The following ADGRF5 variants were observed in gnomAD, a reference collection of about 807,000 sequenced individuals.
The protein encoded by ADGRF5 is adhesion G protein-coupled receptor F5.
A neutral mutation model predicts 132.3 loss-of-function variants in ADGRF5; 75 were observed. The observed-to-expected ratio is 0.57, with a 90% CI of 0.47 to 0.69. The LOEUF is 0.69. Ranked by LOEUF, ADGRF5 falls within the 30% of genes least tolerant of loss-of-function variation. ADGRF5 has a pLI of 0.00. For missense variants in ADGRF5, 1,516 were observed against 1,630.6 expected (o/e 0.93, Z 1.21); for synonymous variants, 629 against 597.6 (o/e 1.05, Z -0.77).
chr6:46,931,000 GC>G (rs1777531721), intron 1 of ADGRF5, among the ~76,000 whole-genome samples: 1 of 152,176 alleles, frequency 6.6e-6, no homozygotes, highest in Non-Finnish European at 1.5e-5. Flanking sequence ...GCTGCAGTGA[GC>G]TGTGATCACA....
At chr6:46,903,755 T>C (rs1371009203) in intron 2 of ADGRF5, among the ~76,000 whole-genome samples, 1 of 152,180 alleles carries the variant, frequency 6.6e-6, no homozygotes, top group East Asian at 1.9e-4. Flanking sequence ...TCAGAGGGGT[T>C]TATTTGTATC....
At chr6:46,856,180 C>T in intron 19 of ADGRF5, 122 bp from the exon 20 acceptor site, 1 of 627,808 alleles carries the variant, frequency 1.6e-6, no homozygotes, top group Non-Finnish European at 2.9e-6. Context: ...TAGTCCCACT[C>T]CCAGAGGTCA....
chr6:46,862,364 T>C (rs1286277811), intron 15 of ADGRF5, among the ~76,000 whole-genome samples: 1 of 152,190 alleles, frequency 6.6e-6, no homozygotes, highest in Admixed American at 6.5e-5. Context: ...TACATAGCGG[T>C]AACCTCTATT....
chr6:46,888,493 CT>C lies in ADGRF5; in HGVS notation c.169del (p.Ser57ValfsTer28). On this transcript the variant is annotated frameshift_variant, in exon 4 of 21. Transcript: ENST00000283296. LOFTEE classifies it high-confidence loss of function. ...AACAGTGTATTCTTCAGCCGTAGGA[CT>C]TTTTGTGGCAACTGCAATGAAAGCA... Reference protein sequence around the residue: ...LRQKRAVATKSPTAEEYTVNI... With the variant: ...LRQKRAVATKXPTAEEYTVNI... 1 of 1,612,314 alleles carries C rather than the reference CT, an allele frequency of 6.2e-7. No individual in the cohort carries two copies. Among genetic ancestry groups the C allele is most frequent in the Admixed American group, 1.7e-5 (1 of 59,996 alleles).
At chr6:46,904,209 T>A (rs1775070868) in intron 2 of ADGRF5, among the ~76,000 whole-genome samples, 1 of 152,190 alleles carries the variant, frequency 6.6e-6, no homozygotes, top group African/African-American at 2.4e-5. Flanking sequence ...CTGAGCTACA[T>A]CATCACCCTT....
intron 1 of ADGRF5, among the ~76,000 whole-genome samples, chr6:46,911,616 T>C (rs1454736921): frequency 6.6e-6 from 1 of 152,198 alleles, no homozygotes; most frequent in Non-Finnish European, 1.5e-5. Context: ...AAATAGTCTC[T>C]ACTTCCCCTG....
chr6:46,907,280 C>T (rs1228762502), intron 1 of ADGRF5, among the ~76,000 whole-genome samples: 1 of 152,104 alleles, frequency 6.6e-6, no homozygotes, highest in African/African-American at 2.4e-5. Context: ...TTGTATCTTA[C>T]AGTATTATTT....
intron 6 of ADGRF5, 111 bp from the exon 7 acceptor site, chr6:46,882,218 A>T: frequency 1.3e-6 from 1 of 788,874 alleles, no homozygotes; most frequent in Non-Finnish European, 2.3e-6. Flanking sequence ...AGGTAAAATT[A>T]TCTTCTGTCT....
intron 8 of ADGRF5, 69 bp from the exon 9 acceptor site, chr6:46,880,108 A>G: frequency 9.7e-7 from 1 of 1,027,220 alleles, no homozygotes; most frequent in Non-Finnish European, 1.5e-6. Context: ...CTCACCACAC[A>G]CAACCACCAC....
chr6:46,924,777 T>A (rs1431394732), upstream of ADGRF5, among the ~76,000 whole-genome samples: 3 of 152,254 alleles, frequency 2.0e-5, no homozygotes, highest in African/African-American at 7.2e-5. Context: ...ATCCTTCCAG[T>A]TACCCAGATC....
chr6:46,883,866 C>A (rs546935816), intron 5 of ADGRF5, among the ~76,000 whole-genome samples: 2 of 152,276 alleles, frequency 1.3e-5, no homozygotes, highest in South Asian at 4.2e-4. Context: ...CTCACCCTCC[C>A]GAGTAGCTGG....
intron 1 of ADGRF5, among the ~76,000 whole-genome samples, chr6:46,947,430 A>G (rs1052786468): frequency 6.6e-6 from 1 of 152,256 alleles, no homozygotes; most frequent in South Asian, 2.1e-4. Flanking sequence ...ACACACAAAC[A>G]TATGCACACT....
Position 46,888,335 on chromosome 6 carries a change from CTGT to C in ADGRF5, c.325_327del (p.Thr109del), listed in dbSNP as rs1477554602. On this transcript the variant is annotated inframe_deletion and splice_region_variant, in exon 4 of 21. Transcript: ENST00000283296. ...CTGAAGCAATGGGTCTCTTACTCAC[CTGT>C]TGTCACATTTATGCTCAAAATGTCG... is the stretch of plus-strand genomic sequence containing the variant. The C allele has an allele frequency of 4.4e-6, 7 of 1,600,444 alleles. No homozygotes were observed. In the African/African-American group the frequency reaches 9.4e-5, roughly 21 times the overall value.
At position 46,884,243 on chromosome 6, in the gene ADGRF5, C is replaced by G. The variant is rs149511712; in HGVS notation, c.357G>C (p.Trp119Cys). The change falls in exon 5 of 21, where the codon TGG (tryptophan) becomes TGC (cysteine). Residue 119 changes from tryptophan (W) to cysteine (C), a missense_variant. Physicochemically the swap from Trp to Cys is radical, Grantham distance 215. Transcript: ENST00000283296. ...ACCCATAACCTGTCTCGCAGGAGCA[C>G]CAGATTTCATTTCCAGCAGGTCTGC... ...TVCRPAGNEI[W>C]CSCETGYGWP... 84 of 1,613,820 alleles carry G rather than the reference C, an allele frequency of 5.2e-5. No individual in the cohort carries two copies. In the African/African-American group the frequency reaches 1.1e-3, roughly 21 times the overall value.
chr6:46,864,526 A>ATTT (rs200329634), intron 14 of ADGRF5, among the ~76,000 whole-genome samples: 45 of 141,648 alleles, frequency 3.2e-4, no homozygotes, highest in African/African-American at 1.1e-3. Context: ...ACATGTAATA[A>ATTT]TTTTTTTTTT....
intron 1 of ADGRF5, among the ~76,000 whole-genome samples, chr6:46,932,420 G>GAT (rs1777594452): frequency 6.6e-6 from 1 of 152,168 alleles, no homozygotes; most frequent in Admixed American, 6.5e-5. Context: ...CAGTTGGTAG[G>GAT]ATATATACTG....
intron 1 of ADGRF5, among the ~76,000 whole-genome samples, chr6:46,949,316 A>C (rs1185066149): frequency 6.6e-6 from 1 of 152,238 alleles, no homozygotes; most frequent in African/African-American, 2.4e-5. Flanking sequence ...CCAGAACTGC[A>C]AGTTCTTTGA....
intron 16 of ADGRF5, 107 bp downstream of exon 16, chr6:46,860,608 G>A (rs1438674699): frequency 3.9e-6 from 3 of 764,212 alleles, no homozygotes; most frequent in Non-Finnish European, 6.5e-6. Context: ...CACTGCTCTG[G>A]AAAAGACAGA....
chr6:46,857,272 A>G (rs898855106), intron 17 of ADGRF5, among the ~76,000 whole-genome samples: 1 of 152,174 alleles, frequency 6.6e-6, no homozygotes, highest in Non-Finnish European at 1.5e-5. Flanking sequence ...GCATATCATG[A>G]AGGTCATTAC....
Sources: gnomAD v4.1 joint callset for allele counts (sites outside exome capture counted in the v4.1 genomes callset) on GRCh38, gnomAD v4.1.1 for gene constraint, MANE v1.5 for transcripts, NCBI Gene and HGNC (gene_info 2026-07-23, HGNC 2026-07-21) for gene names.